The following TTC39C variants were observed in gnomAD, a reference collection of about 807,000 sequenced individuals.
The protein encoded by TTC39C is tetratricopeptide repeat domain 39C.
TTC39C carries 33 observed loss-of-function variants against 76.3 expected under a neutral mutation model. That is an observed-to-expected ratio of 0.43 (90% CI 0.33 to 0.58). The LOEUF is 0.58. Among genes scored for constraint, TTC39C ranks in the 20% least tolerant of loss-of-function variants. The probability of loss-of-function intolerance (pLI) is 0.04; values close to 1 mark genes in which losing one functional copy is unlikely to be tolerated. For missense variants in TTC39C, 595 were observed against 701.4 expected, an observed-to-expected ratio of 0.85 and a Z score of 1.71; for synonymous variants, 254 against 260.6, an observed-to-expected ratio of 0.97 and a Z score of 0.24.
At position 24,134,580 on chromosome 18, in the gene TTC39C, A is replaced by T. The variant is rs2085179073; in HGVS notation, c.*2006A>T. On this transcript the variant is annotated 3_prime_UTR_variant, in exon 14 of 14. Coordinates refer to ENST00000317571, the MANE Select transcript of TTC39C (RefSeq NM_001135993.2). The stretch of plus-strand genomic sequence containing the variant: ...GTGAGCCACCGTGCCCGGCCTGGAC[A>T]TCTGGTTTTAACTAGATGGAAGGGA... The T allele has an allele frequency of 6.6e-6, 1 of 151,938 alleles. No homozygotes were observed. The highest frequency in any genetic ancestry group is 6.6e-5 in the Admixed American group (1 of 15,252). The allele number at this position is 151,938 out of a possible 1,614,324, so 9.4% of individuals were successfully genotyped here.
intron 6 of TTC39C, among the ~76,000 whole-genome samples, chr18:24,105,313 C>T (rs2084732796): frequency 6.6e-6 from 1 of 152,108 alleles, no homozygotes; most frequent in African/African-American, 2.4e-5. Flanking sequence ...TGAAAACATT[C>T]AGTGTGAATA....
intron 10 of TTC39C, among the ~76,000 whole-genome samples, chr18:24,127,794 G>T (rs1242735136): frequency 6.6e-6 from 1 of 152,228 alleles, no homozygotes; most frequent in African/African-American, 2.4e-5. Flanking sequence ...GGGATTACCA[G>T]CATAAGCCAC....
intron 1 of TTC39C, among the ~76,000 whole-genome samples, chr18:24,041,941 A>T (rs1477974920): frequency 2.0e-5 from 3 of 152,206 alleles, no homozygotes; most frequent in African/African-American, 7.2e-5. Flanking sequence ...CACCAGTGTC[A>T]TCAAGCTGGT....
At chr18:24,118,090 T>C in intron 7 of TTC39C, 35 bp from the exon 8 acceptor site, 1 of 1,577,004 alleles carries the variant, frequency 6.3e-7, no homozygotes, top group South Asian at 1.1e-5. Flanking sequence ...AGCTCAGTAC[T>C]TTAGGGTCAT....
At chr18:24,043,694 T>C (rs1233390840) in intron 1 of TTC39C, among the ~76,000 whole-genome samples, 1 of 152,190 alleles carries the variant, frequency 6.6e-6, no homozygotes, top group Non-Finnish European at 1.5e-5. Context: ...AAGCATCTCA[T>C]ATTCAGAGCT....
intron 1 of TTC39C, among the ~76,000 whole-genome samples, chr18:24,041,320 A>G (rs2083789281): frequency 5.3e-5 from 8 of 152,230 alleles, no homozygotes; most frequent in Admixed American, 5.2e-4. Flanking sequence ...TTGATTCGCT[A>G]GCACAGGAAG....
rs532054235 is a variant in TTC39C, at chr18:24,108,376, A to T, written c.985-6178A>T. ...GCTGGAACTTGACATCCCTTTGGCAATATAGTCTGGGCCAAATCCCCAAAA... is the reference window on the plus strand; with the variant it reads ...GCTGGAACTTGACATCCCTTTGGCATTATAGTCTGGGCCAAATCCCCAAAA... On this transcript the variant is annotated intron_variant, in intron 6 of 13. Transcript: ENST00000317571. 2.0e-5 allele frequency among the ~76,000 whole-genome samples: 3 copies of T among 152,308 alleles called. No homozygotes were observed. The East Asian group carries it at 5.8e-4, about 29-fold the overall frequency.
At chr18:24,115,369 T>C (rs2084877601) in intron 7 of TTC39C, among the ~76,000 whole-genome samples, 1 of 152,220 alleles carries the variant, frequency 6.6e-6, no homozygotes. Context: ...AGTTTCTCCA[T>C]TGTGCTGGGA....
chr18:24,006,012 A>G (rs1208197467), intron 1 of TTC39C, among the ~76,000 whole-genome samples: 1 of 74,996 alleles, frequency 1.3e-5, no homozygotes, highest in Non-Finnish European at 3.1e-5. Flanking sequence ...TATCCTACAG[A>G]ATATTTTTTT....
At chr18:24,001,823 G>GGTTT (rs2083312701) in intron 1 of TTC39C, among the ~76,000 whole-genome samples, 1 of 57,496 alleles carries the variant, frequency 1.7e-5, no homozygotes, top group Non-Finnish European at 4.7e-5. Context: ...CGGTAATTCT[G>GGTTT]TTTTTTTTTT....
intron 8 of TTC39C, among the ~76,000 whole-genome samples, chr18:24,122,616 G>A (rs1050107227): frequency 1.3e-5 from 2 of 151,676 alleles, no homozygotes; most frequent in African/African-American, 4.8e-5. Flanking sequence ...GGATTCCGCA[G>A]CATCAGAGTT....
intron 1 of TTC39C, among the ~76,000 whole-genome samples, chr18:24,017,969 A>C (rs938395834): frequency 3.3e-5 from 5 of 152,222 alleles, no homozygotes; most frequent in Admixed American, 3.3e-4. Flanking sequence ...CCTGATGAGA[A>C]ATGGTTACTT....
intron 6 of TTC39C, among the ~76,000 whole-genome samples, chr18:24,111,919 A>T (rs1056048016): frequency 0.021 from 138 of 6,686 alleles, 1 homozygote; most frequent in Middle Eastern, 0.25. Flanking sequence ...ATATATATAT[A>T]TATATTTTTT....
intron 6 of TTC39C, among the ~76,000 whole-genome samples, chr18:24,101,052 A>T (rs1485338653): frequency 6.6e-6 from 1 of 152,180 alleles, no homozygotes; most frequent in Non-Finnish European, 1.5e-5. Context: ...TCCTATTTAT[A>T]CTGTAGCCTG....
At chr18:24,053,397 A>G (rs2083977541) in intron 1 of TTC39C, among the ~76,000 whole-genome samples, 3 of 152,218 alleles carry the variant, frequency 2.0e-5, no homozygotes, top group African/African-American at 7.2e-5. Context: ...TCCTGTCGTA[A>G]TATGAGTAGA....
intron 1 of TTC39C, among the ~76,000 whole-genome samples, chr18:24,020,453 C>T (rs1456928502): frequency 2.0e-5 from 3 of 152,158 alleles, no homozygotes; most frequent in Non-Finnish European, 4.4e-5. Flanking sequence ...AGATGTGAGC[C>T]TTTAAAAGAA....
At chr18:24,010,272 G>A (rs1843839), upstream of TTC39C, among the ~76,000 whole-genome samples, 86,921 of 152,010 alleles carry the variant, frequency 0.57, 28,238 homozygotes, top group Non-Finnish European at 0.75. Context: ...TGCCTTATTT[G>A]GCTACGGTTT....
chr18:24,123,055 G>A (rs146154809), intron 8 of TTC39C, among the ~76,000 whole-genome samples: 17 of 152,300 alleles, frequency 1.1e-4, no homozygotes, highest in Non-Finnish European at 1.9e-4. Context: ...TGGCTTATAG[G>A]TAGTAGGCAG....
chr18:24,017,298 T>TC (rs1397233952), intron 1 of TTC39C, among the ~76,000 whole-genome samples: 4 of 152,160 alleles, frequency 2.6e-5, no homozygotes, highest in Non-Finnish European at 5.9e-5. Flanking sequence ...TGGACCAGAG[T>TC]CCTGCAACCT....
Sources: allele counts gnomAD v4.1 joint callset (sites outside exome capture counted in the v4.1 genomes callset), GRCh38; gene constraint gnomAD v4.1.1; transcripts MANE v1.5; gene names NCBI Gene and HGNC (gene_info 2026-07-23, HGNC 2026-07-21).